The following DNMT3A variants were observed in gnomAD, a reference collection of about 807,000 sequenced individuals.
DNMT3A encodes DNA (cytosine-5)-methyltransferase 3A.
Under a neutral mutation model 117.6 loss-of-function variants are expected in DNMT3A, and 267 were observed. That is an observed-to-expected ratio of 2.27 (90% CI 2.05 to 2.51). The LOEUF (loss-of-function observed/expected upper bound fraction) is 2.51, where lower values mean the gene tolerates loss of function less well. Among genes scored for constraint, DNMT3A ranks in the 30% most tolerant of loss-of-function variants. The probability of loss-of-function intolerance (pLI) is 0.00; values close to 1 mark genes in which losing one functional copy is unlikely to be tolerated. For missense variants in DNMT3A, 1,029 were observed against 1,260.2 expected, an observed-to-expected ratio of 0.82 and a Z score of 2.78; for synonymous variants, 432 against 474.8, an observed-to-expected ratio of 0.91 and a Z score of 1.17.
chr2:25,275,413 C>CCCCCCCCCCCCCCCCCCCCA, intron 5 of DNMT3A, 87 bp downstream of exon 5: 1 of 1,410,382 alleles, frequency 7.1e-7, no homozygotes, highest in Non-Finnish European at 9.7e-7. Flanking sequence ...AGGAGGGGCC[C>CCCCCCCCCCCCCCCCCCCCA]ACCCTCCGCC....
chr2:25,247,267 G>A lies in DNMT3A; in HGVS notation c.1015-109C>T, dbSNP rs566102307. ...AGCCTCGAGAGTCAGTCTCAGCCCTGGAGGGGACCAGATACAGTGATAAAT... is the reference window on the plus strand; with the variant it reads ...AGCCTCGAGAGTCAGTCTCAGCCCTAGAGGGGACCAGATACAGTGATAAAT... On this transcript the variant is annotated intron_variant, in intron 8 of 22. Transcript: ENST00000321117. This position sits in a 1 kb window ranked among gnomAD's most constrained non-coding sequence, Gnocchi z 5.6. The A allele has an allele frequency of 9.2e-7, 1 of 1,088,874 alleles. No homozygotes were observed. Among genetic ancestry groups the A allele is most frequent in the East Asian group, 2.6e-5 (1 of 38,920 alleles). 67.5% of individuals were successfully genotyped at this position (1,088,874 alleles called of 1,614,324 possible).
At position 25,239,115 on chromosome 2, in the gene DNMT3A, G is replaced by A. The variant is rs766960606; in HGVS notation, c.2408+15C>T. The A allele has an allele frequency of 1.2e-6, 2 of 1,613,254 alleles. No individual in the cohort carries two copies. Among genetic ancestry groups the A allele is most frequent in the Non-Finnish European group, 1.7e-6 (2 of 1,179,488 alleles). On this transcript the variant is annotated intron_variant, in intron 20 of 22. Transcript: ENST00000321117. ...CCCAGCCCACAGCCCCCCAGGCCCAGGAGCTTTCACCAACCTGTTCATACC... is the reference window on the plus strand; with the variant it reads ...CCCAGCCCACAGCCCCCCAGGCCCAAGAGCTTTCACCAACCTGTTCATACC...
chr2:25,248,367 G>T, intron 6 of DNMT3A, 115 bp from the exon 7 acceptor site: 1 of 1,139,146 alleles, frequency 8.8e-7, no homozygotes, highest in Non-Finnish European at 1.2e-6. Flanking sequence ...AAGGTCAAGG[G>T]CTGGAGAGAG....
intron 1 of DNMT3A, among the ~76,000 whole-genome samples, chr2:25,336,178 G>A (rs1216750335): frequency 2.0e-5 from 3 of 152,234 alleles, no homozygotes; most frequent in African/African-American, 7.2e-5. Context: ...ATGCCTGGGG[G>A]CCTGGGCCGT....
At chr2:25,340,282 G>A (rs966064009) in intron 1 of DNMT3A, among the ~76,000 whole-genome samples, 1 of 152,162 alleles carries the variant, frequency 6.6e-6, no homozygotes, top group Non-Finnish European at 1.5e-5. Flanking sequence ...CGCCCAGGGC[G>A]CCAACACCTC....
rs749817324 is a variant in DNMT3A at position 25,247,142 on chromosome 2, A to C, written c.1031T>G (p.Leu344Arg). 1.2e-6 allele frequency: 2 copies of C among 1,613,854 alleles called. No individual in the cohort carries two copies. Among genetic ancestry groups the C allele is most frequent in the Non-Finnish European group, 1.7e-6 (2 of 1,179,908 alleles). The change falls in exon 9 of 23, where the codon CTG becomes CGG. Residue 344 changes from leucine (L) to arginine (R), a missense_variant. Physicochemically the swap from Leu to Arg is moderately radical, Grantham distance 102. Transcript: ENST00000321117. The surrounding 1 kb of genome is among the most constrained non-coding windows in gnomAD (Gnocchi z 5.6). ...GKFSVVCVEK[L>R]MPLSSFCSAF... is the part of the protein sequence containing the mutation. ...ACTGCAAAACGAGCTCAGCGGCATC[A>C]GCTTCTCAACACACACCTGGGGGGA...
intron 1 of DNMT3A, among the ~76,000 whole-genome samples, chr2:25,318,698 C>CTTT (rs375722790): frequency 4.5e-5 from 6 of 132,262 alleles, no homozygotes; most frequent in African/African-American, 1.1e-4. Context: ...TTTTTCTTTT[C>CTTT]TTTTTTTTTT....
rs1397922095 is a variant in DNMT3A, at chr2:25,227,934, G to A, written c.*6345C>T. On this transcript the variant is annotated 3_prime_UTR_variant, in exon 23 of 23. Coordinates refer to ENST00000321117, the MANE Select transcript of DNMT3A (RefSeq NM_022552.5). ...AGTGTTCTCCAGCACAAGTACATTA[G>A]AAAGGAGCTTTATTATATTCTTCTG... is the stretch of plus-strand genomic sequence containing the variant. 6.6e-6 allele frequency: 1 copy of A among 151,938 alleles called. No homozygotes were observed. Among genetic ancestry groups the A allele is most frequent in the Non-Finnish European group, 1.5e-5 (1 of 67,980 alleles). 9.4% of individuals were successfully genotyped at this position (151,938 alleles called of 1,614,324 possible). A position where few individuals can be genotyped will look rare whatever the true frequency, so the allele number is the denominator to read the frequency against.
rs1402375065 is a variant in DNMT3A at position 25,306,898 on chromosome 2, G to C, written c.73-6655C>G. On this transcript the variant is annotated intron_variant, in intron 2 of 22. Transcript: ENST00000321117. The surrounding 1 kb of genome is among the most constrained non-coding windows in gnomAD (Gnocchi z 4.1). ...TGGAGTGTGCTACTGCTCTGCCTGT[G>C]GCCACTTCCATGGCACCAAGCCCAC... 6.6e-6 allele frequency among the ~76,000 whole-genome samples: 1 copy of C among 152,182 alleles called. No homozygotes were observed. Among genetic ancestry groups the C allele is most frequent in the Non-Finnish European group, 1.5e-5 (1 of 68,024 alleles).
chr2:25,285,678 G>A (rs557627341), intron 3 of DNMT3A, among the ~76,000 whole-genome samples: 186 of 152,362 alleles, frequency 1.2e-3, no homozygotes, highest in Middle Eastern at 3.4e-3. Context: ...ATCCGGGAAG[G>A]AAAGTGGAAC....
At chr2:25,300,022 A>G in intron 3 of DNMT3A, 117 bp downstream of exon 3, 2 of 1,037,340 alleles carry the variant, frequency 1.9e-6, no homozygotes, top group South Asian at 1.7e-5. Context: ...GGTATACCCC[A>G]TCACCTGGTC....
chr2:25,325,212 AAC>A (rs978374261), intron 1 of DNMT3A, among the ~76,000 whole-genome samples: 24 of 152,278 alleles, frequency 1.6e-4, no homozygotes, highest in African/African-American at 5.3e-4. Flanking sequence ...AAAATGAGCC[AAC>A]ACAGACTTCC....
At position 25,296,295 on chromosome 2, in the gene DNMT3A, C is replaced by T. The variant is rs931329897; in HGVS notation, c.177+3844G>A. Among the ~76,000 whole-genome samples the T allele has an allele frequency of 2.0e-5, 3 of 152,136 alleles. No individual in the cohort carries two copies. Among genetic ancestry groups the T allele is most frequent in the Non-Finnish European group, 2.9e-5 (2 of 68,024 alleles). On this transcript the variant is annotated intron_variant, in intron 3 of 22. Transcript: ENST00000321117. This position sits in a 1 kb window ranked among gnomAD's most constrained non-coding sequence, Gnocchi z 4.2. ...CATTTTCAGGCTAGGTTCTACCGGG[C>T]TGTGGTGCTGGGGCAGGCGGAGAGA... is the stretch of plus-strand genomic sequence containing the variant.
rs111798044 is a variant in DNMT3A, at chr2:25,278,040, GAC to G, written c.449-2499_449-2498del. 7.0e-3 allele frequency among the ~76,000 whole-genome samples: 990 copies of G among 142,246 alleles called. 9 individuals are homozygous for G. The highest frequency in any genetic ancestry group is 0.02 in the African/African-American group (728 of 36,478). The allele number at this position is 142,246 out of a possible 152,430, so 93.3% of individuals were successfully genotyped here. A position where few individuals can be genotyped will look rare whatever the true frequency, so the allele number is the denominator to read the frequency against. On this transcript the variant is annotated intron_variant, in intron 4 of 22. Coordinates refer to ENST00000321117, the MANE Select transcript of DNMT3A (RefSeq NM_022552.5). ...ACACACACACACACACACACACACA[GAC>G]ACACACGCTTTCCAGCCTGGCCGGG... is the stretch of plus-strand genomic sequence containing the variant.
intron 6 of DNMT3A, among the ~76,000 whole-genome samples, chr2:25,259,831 C>T (rs776258430): frequency 1.2e-4 from 19 of 152,286 alleles, no homozygotes; most frequent in Non-Finnish European, 2.5e-4. Flanking sequence ...AGAGAAGACT[C>T]CAGAGGAGCC....
intron 6 of DNMT3A, among the ~76,000 whole-genome samples, chr2:25,260,989 A>G (rs1676551348): frequency 6.6e-6 from 1 of 151,748 alleles, no homozygotes. Context: ...ACAGAGCAAG[A>G]CTCTGTCTCA....
chr2:25,303,685 C>T (rs2033637353), intron 2 of DNMT3A, among the ~76,000 whole-genome samples: 3 of 152,270 alleles, frequency 2.0e-5, no homozygotes, highest in Admixed American at 2.0e-4. Flanking sequence ...TTCCCCTTGA[C>T]ATTTGGCCCT....
chr2:25,335,653 G>A (rs1248301155), intron 1 of DNMT3A, among the ~76,000 whole-genome samples: 1 of 152,196 alleles, frequency 6.6e-6, no homozygotes, highest in Non-Finnish European at 1.5e-5. Context: ...AGTAAGAAGA[G>A]CATTAGACTA....
intron 1 of DNMT3A, among the ~76,000 whole-genome samples, chr2:25,322,386 C>T (rs1049346825): frequency 6.6e-6 from 1 of 152,042 alleles, no homozygotes; most frequent in African/African-American, 2.4e-5. Flanking sequence ...CACAGAATAA[C>T]CATCATCAGC....
Sources: allele counts gnomAD v4.1 joint callset (sites outside exome capture counted in the v4.1 genomes callset), GRCh38; gene constraint gnomAD v4.1.1; non-coding constraint Gnocchi (gnomAD v3.1); transcripts MANE v1.5; gene names NCBI Gene and HGNC (gene_info 2026-07-23, HGNC 2026-07-21).